Variants in PAPLN observed in about 807,000 individuals in gnomAD.
PAPLN encodes papilin.
PAPLN carries 146 observed loss-of-function variants against 159.0 expected under a neutral mutation model. The ratio of observed to expected loss-of-function variants is 0.92; its 90% confidence interval spans 0.80 to 1.05. The LOEUF is 1.05. PAPLN is among the 50% of genes least tolerant of loss of function. The pLI, the probability that PAPLN is intolerant of heterozygous loss-of-function variation, is 0.00. For synonymous variants in PAPLN, 734 were observed against 702.9 expected (o/e 1.04, Z -0.70); for missense variants, 1,720 against 1,743.9 (o/e 0.99, Z 0.24).
chr14:73,260,438 G>T (rs942395952), intron 16 of PAPLN, among the ~76,000 whole-genome samples: 1 of 152,186 alleles, frequency 6.6e-6, no homozygotes, highest in Non-Finnish European at 1.5e-5. Flanking sequence ...TGTTTTGTGG[G>T]CTGTGCAACT....
chr14:73,240,808 A>AG (rs1594772005), intron 2 of PAPLN, among the ~76,000 whole-genome samples: 1 of 152,094 alleles, frequency 6.6e-6, no homozygotes, highest in East Asian at 1.9e-4. Context: ...ACCTTTGGGG[A>AG]GGAGGGGGTC....
rs1179989656 is a variant in PAPLN at position 73,262,424 on chromosome 14, G to A, written c.2320G>A (p.Ala774Thr). The A allele has an allele frequency of 2.5e-6, 4 of 1,613,978 alleles. No homozygotes were observed. The highest frequency in any genetic ancestry group is 1.7e-5 in the Admixed American group (1 of 60,008). Residue 774 changes from alanine (A) to threonine (T), a missense_variant, in exon 19 of 27, where the codon GCC (alanine) becomes ACC (threonine). Transcript: ENST00000644200. ...ADWAARWYFV[A>T]SVGQCNRFWY... is the part of the protein sequence containing the mutation. ...CTGGGCTGCCCGCTGGTACTTCGTT[G>A]CCTCTGTGGGCCAATGTAACCGCTT...
chr14:73,259,037 C>G lies in PAPLN; in HGVS notation c.1686C>G (p.Gly562=). The change falls in exon 15 of 27, where the codon GGC becomes GGG. Residue 562 remains glycine, a synonymous_variant. Transcript: ENST00000644200. ...TPASNPWMPL[G]PQESPASDSR... ...CCAGCAACCCCTGGATGCCGTTGGG[C>G]CCTCAGGAGTCCCCTGCCTCAGGTG... 6.2e-7 allele frequency: 1 copy of G among 1,611,984 alleles called. No homozygotes were observed.
rs147656819 is a variant in PAPLN, at chr14:73,254,773, A to G, written c.1485+78A>G. 1.0e-5 allele frequency: 16 copies of G among 1,591,208 alleles called. No individual in the cohort carries two copies. In the East Asian group the frequency reaches 3.4e-4, roughly 33 times the overall value. On this transcript the variant is annotated intron_variant, in intron 13 of 26. Transcript: ENST00000644200. ...GGCTGCACCCGAGCGCCGTCCTTGG[A>G]CCTGACACGCGCCACTGGGCACCTT...
At chr14:73,246,245 C>A in intron 5 of PAPLN, 70 bp downstream of exon 5, 1 of 1,324,888 alleles carries the variant, frequency 7.5e-7, no homozygotes, top group Non-Finnish European at 1.0e-6. Context: ...GTTCCTATTG[C>A]CGTATTATAG....
At chr14:73,262,160 G>T (rs1171190043) in intron 18 of PAPLN, 190 bp from the exon 19 acceptor site, 2 of 644,682 alleles carry the variant, frequency 3.1e-6, no homozygotes, top group Non-Finnish European at 5.4e-6. Context: ...CCGGGGGCAG[G>T]TCTGCACAGT....
rs766568568 is a variant in PAPLN at position 73,252,630 on chromosome 14, T to C, written c.968-19T>C. 4 of 1,609,322 alleles carry C rather than the reference T, an allele frequency of 2.5e-6. No homozygotes were observed. Among genetic ancestry groups the C allele is most frequent in the African/African-American group, 1.3e-5 (1 of 74,844 alleles). ...AATGTTGACTGGCGTCTGCCCGCCATGGCTGGGCCTCTGCGCAGGTCACCA... is the reference window on the plus strand; with the variant it reads ...AATGTTGACTGGCGTCTGCCCGCCACGGCTGGGCCTCTGCGCAGGTCACCA... On this transcript the variant is annotated intron_variant, in intron 10 of 26. Coordinates refer to ENST00000644200, the MANE Select transcript of PAPLN (RefSeq NM_001365906.3).
In PAPLN at chr14:73,262,687, C is replaced by T. The variant is rs1183672453; in HGVS notation, c.2583C>T (p.Asp861=). 2.0e-6 allele frequency: 3 copies of T among 1,512,090 alleles called. No homozygotes were observed. Among genetic ancestry groups the T allele is most frequent in the African/African-American group, 2.8e-5 (2 of 72,058 alleles). The allele number at this position is 1,512,090 out of a possible 1,614,324, so 93.7% of individuals were successfully genotyped here. ...CTTCTGGTGGTCTCTGGCGGCAAGA[C>T]CAACAGCCTGGGCCAGGGGAGGCCC... ...PWPSGGLWRQ[D]QQPGPGEAPH... is the part of the protein sequence containing the mutation. Residue 861 remains aspartate (D), a synonymous_variant, in exon 19 of 27, where the codon GAC becomes GAT. Coordinates refer to ENST00000644200, the MANE Select transcript of PAPLN (RefSeq NM_001365906.3).
rs1566674015 is a variant in PAPLN at position 73,246,114 on chromosome 14, CGCGGAGTTCGACGGA to C, written c.283_297del (p.Asp95_Phe99del). 2.5e-6 allele frequency: 4 copies of C among 1,589,728 alleles called. No individual in the cohort carries two copies. Among genetic ancestry groups the C allele is most frequent in the East Asian group, 2.4e-5 (1 of 42,224 alleles). On this transcript the variant is annotated inframe_deletion, in exon 5 of 27. Coordinates refer to ENST00000644200, the MANE Select transcript of PAPLN (RefSeq NM_001365906.3). The stretch of plus-strand genomic sequence containing the variant: ...CCCGGGACTTCCGGGCCGAGCAGTG[CGCGGAGTTCGACGGA>C]GCGGAGTTCCAGGGGCGGCGGTATC...
At position 73,268,512 on chromosome 14, in the gene PAPLN, C is replaced by T. The variant is rs368461580; in HGVS notation, c.3501-45C>T. 7 of 1,573,382 alleles carry T rather than the reference C, an allele frequency of 4.4e-6. No homozygotes were observed. In the African/African-American group the frequency reaches 9.5e-5, roughly 21 times the overall value. ...TACCTCTTCCCTCTGTCTCCCAGAC[C>T]TCCAGAGGCCCTTGATGGCTCTCCC... On this transcript the variant is annotated intron_variant, in intron 25 of 26. Coordinates refer to ENST00000644200, the MANE Select transcript of PAPLN (RefSeq NM_001365906.3).
chr14:73,239,631 C>T, intron 1 of PAPLN, 142 bp from the exon 2 acceptor site: 1 of 1,422,342 alleles, frequency 7.0e-7, no homozygotes, highest in South Asian at 1.5e-5. Context: ...CTCTGCGGTG[C>T]ACCGAGGCGC....
intron 11 of PAPLN, 106 bp from the exon 12 acceptor site, chr14:73,253,648 G>C (rs2140245741): frequency 9.6e-7 from 1 of 1,041,416 alleles, no homozygotes; most frequent in East Asian, 2.5e-5. Flanking sequence ...GGATGGGCTG[G>C]GGTGGGGGTC....
intron 11 of PAPLN, among the ~76,000 whole-genome samples, chr14:73,253,535 C>T (rs1032809867): frequency 6.6e-5 from 10 of 152,098 alleles, no homozygotes; most frequent in African/African-American, 9.7e-5. Flanking sequence ...AAGGGGGAGG[C>T]GCAGGGCCCC....
intron 11 of PAPLN, 113 bp downstream of exon 11, chr14:73,252,888 C>T (rs1885455015): frequency 6.6e-7 from 1 of 1,506,094 alleles, no homozygotes; most frequent in African/African-American, 1.4e-5. Flanking sequence ...GGTCCAGGGC[C>T]CCCCACGCTG....
intron 17 of PAPLN, 22 bp downstream of exon 17, chr14:73,260,851 G>A (rs1886500108): frequency 1.3e-6 from 2 of 1,495,238 alleles, no homozygotes; most frequent in African/African-American, 1.4e-5. Flanking sequence ...GCCTGGGGGA[G>A]GGGAGCAGGG....
rs573816139 is a variant in PAPLN at position 73,260,110 on chromosome 14, A to G, written c.1985+565A>G. On this transcript the variant is annotated intron_variant, in intron 16 of 26. Coordinates refer to ENST00000644200, the MANE Select transcript of PAPLN (RefSeq NM_001365906.3). ...GGGGCAGTTCCCAGCTCAGACACTCACCGGCTATGTGCTGGGTGACTTGGG... is the reference window on the plus strand; with the variant it reads ...GGGGCAGTTCCCAGCTCAGACACTCGCCGGCTATGTGCTGGGTGACTTGGG... Among the ~76,000 whole-genome samples the G allele has an allele frequency of 1.1e-3, 174 of 152,130 alleles. 1 individual carries two copies. The highest frequency in any genetic ancestry group is 3.7e-3 in the Admixed American group (56 of 15,298).
In PAPLN at chr14:73,265,456, C is replaced by T. The variant is rs780437352; in HGVS notation, c.3212C>T (p.Pro1071Leu). ...ATGACCTGCCGTGCCGAAGGCTTCC[C>T]GCCCCCAGCCATCGAGTGGCAGAGA... ...IRMTCRAEGF[P>L]PPAIEWQRDG... The change falls in exon 23 of 27, where the codon CCG becomes CTG. Residue 1071 changes from proline (P) to leucine (L), a missense_variant. Physicochemically the swap from Pro to Leu is moderately conservative, Grantham distance 98 (BLOSUM62 -3). Transcript: ENST00000644200. This position sits in a 1 kb window ranked among gnomAD's most constrained non-coding sequence, Gnocchi z 4.1. 3.2e-5 allele frequency: 51 copies of T among 1,613,584 alleles called. No homozygotes were observed. The South Asian group carries it at 4.8e-4, about 15-fold the overall frequency.
At chr14:73,254,412 G>C (rs889836263) in intron 12 of PAPLN, 101 bp from the exon 13 acceptor site, 1 of 1,433,366 alleles carries the variant, frequency 7.0e-7, no homozygotes, top group Non-Finnish European at 9.6e-7. Flanking sequence ...GCAGTTGGGT[G>C]CTATCTGCCT....
Position 73,262,492 on chromosome 14 carries a change from G to A in PAPLN, c.2388G>A (p.Ser796=), listed in dbSNP as rs772940397. The A allele has an allele frequency of 1.3e-4, 204 of 1,595,892 alleles. 3 individuals are homozygous for A. The highest frequency in any genetic ancestry group is 6.2e-4 in the Admixed American group (35 of 56,654). The change falls in exon 19 of 27, where the codon TCG becomes TCA. Residue 796 remains serine (S), a synonymous_variant. Transcript: ENST00000644200. ...ATGGCAATGCCAATAACTTTGCCTC[G>A]GAGCAAGAGTGCATGAGCAGCTGCC... ...GCHGNANNFA[S]EQECMSSCQG... is the part of the protein sequence containing the mutation.
Sources: allele counts gnomAD v4.1 joint callset (sites outside exome capture counted in the v4.1 genomes callset), GRCh38; gene constraint gnomAD v4.1.1; non-coding constraint Gnocchi (gnomAD v3.1); transcripts MANE v1.5; gene names NCBI Gene and HGNC (gene_info 2026-07-23, HGNC 2026-07-21).